Variants in UHRF1 observed in about 807,000 individuals in gnomAD.
UHRF1 encodes the protein E3 ubiquitin-protein ligase UHRF1.
Under a neutral mutation model 96.5 loss-of-function variants are expected in UHRF1, and 9 were observed. The ratio of observed to expected loss-of-function variants is 0.09; its 90% CI spans 0.06 to 0.16. The LOEUF is 0.16. Among genes scored for constraint, UHRF1 ranks in the 10% least tolerant of loss-of-function variants. The pLI, the probability that UHRF1 is intolerant of heterozygous loss-of-function variation, is 1.00. For missense variants in UHRF1, 626 were observed against 1,131.1 expected (o/e 0.55, Z 6.40); for synonymous variants, 455 against 469.9 (o/e 0.97, Z 0.41).
chr19:4,917,302 T>C (rs2032551643), intron 2 of UHRF1, among the ~76,000 whole-genome samples: 1 of 151,798 alleles, frequency 6.6e-6, no homozygotes, highest in African/African-American at 2.4e-5. Context: ...AGTTATCAAG[T>C]TGTATTTGTA....
chr19:4,929,320 G>C lies in UHRF1; in HGVS notation c.252G>C (p.Lys84Asn). 6.2e-7 allele frequency: 1 copy of C among 1,613,790 alleles called. No individual in the cohort carries two copies. Among genetic ancestry groups the C allele is most frequent in the Non-Finnish European group, 8.5e-7 (1 of 1,179,900 alleles). Residue 84 changes from lysine (K) to asparagine (N), a missense_variant, in exon 3 of 17, where the codon AAG becomes AAC. By Grantham distance (94) the Lys-to-Asn change is moderately conservative. Transcript: ENST00000650932. ...RQSLVLPHST[K>N]ERDSELSDTD... ...GCCTCGTGCTCCCCCACAGCACCAA[G>C]GAGCGGGACTCCGAGCTCTCCGACA...
chr19:4,913,405 C>G (rs2032362809), intron 2 of UHRF1, among the ~76,000 whole-genome samples: 1 of 151,988 alleles, frequency 6.6e-6, no homozygotes, highest in South Asian at 2.1e-4. Context: ...AGTCACCCAC[C>G]ACCACGCCTG....
At chr19:4,932,624 T>G in intron 4 of UHRF1, 117 bp from the exon 5 acceptor site, 1 of 1,077,338 alleles carries the variant, frequency 9.3e-7, no homozygotes, top group Non-Finnish European at 1.4e-6. Context: ...CATATAAGCC[T>G]GTTGGGAGGG....
At chr19:4,918,089 A>ACTTGTGTTCAAG (rs1290620546) in intron 2 of UHRF1, among the ~76,000 whole-genome samples, 3 of 151,788 alleles carry the variant, frequency 2.0e-5, no homozygotes, top group African/African-American at 7.3e-5. Flanking sequence ...GTGCTTGAAC[A>ACTTGTGTTCAAG]TGTGTGCGTT....
At chr19:4,960,507 G>C (rs1009729444) in intron 16 of UHRF1, 150 bp from the exon 17 acceptor site, 1 of 1,159,494 alleles carries the variant, frequency 8.6e-7, no homozygotes. Flanking sequence ...GGGGGGCCAG[G>C]CTGGTGATGG....
Position 4,945,826 on chromosome 19 carries a change from A to G in UHRF1, c.1306-35A>G, listed in dbSNP as rs757012273. Reference sequence around the variant, plus strand: ...GGAGCTTCTCTGCAGCAGTCATTGCAGAGGACACCATGTATATCTTGGTGG... The same window carrying G: ...GGAGCTTCTCTGCAGCAGTCATTGCGGAGGACACCATGTATATCTTGGTGG... On this transcript the variant is annotated intron_variant, in intron 9 of 16. Coordinates refer to ENST00000650932, the MANE Select transcript of UHRF1 (RefSeq NM_001048201.3). The G allele has an allele frequency of 5.1e-6, 8 of 1,555,656 alleles. No homozygotes were observed. The Admixed American group carries it at 1.3e-4, about 24-fold the overall frequency.
chr19:4,908,681 C>G (rs557549115), upstream of UHRF1, among the ~76,000 whole-genome samples: 2 of 152,226 alleles, frequency 1.3e-5, no homozygotes, highest in Non-Finnish European at 2.9e-5. Flanking sequence ...CCTCCCACCA[C>G]ATGGCTGCTG....
At chr19:4,926,498 T>C (rs1012111694) in intron 2 of UHRF1, among the ~76,000 whole-genome samples, 2 of 152,140 alleles carry the variant, frequency 1.3e-5, no homozygotes, top group Non-Finnish European at 2.9e-5. Flanking sequence ...CCCTTGTAGC[T>C]GTAGGTGGGT....
chr19:4,958,369 C>T (rs881416), intron 16 of UHRF1, among the ~76,000 whole-genome samples: 5,531 of 152,276 alleles, frequency 0.036, 264 homozygotes, highest in African/African-American at 0.11. Flanking sequence ...GTGAAGGTCC[C>T]GGCTTAGCCT....
At chr19:4,931,312 GAC>G (rs2033045351) in intron 4 of UHRF1, among the ~76,000 whole-genome samples, 15 of 152,190 alleles carry the variant, frequency 9.9e-5, no homozygotes, top group Non-Finnish European at 2.9e-5. Flanking sequence ...AGATTTCACA[GAC>G]GGTGTGGCTT....
intron 5 of UHRF1, among the ~76,000 whole-genome samples, chr19:4,939,941 G>A (rs558772225): frequency 4.6e-5 from 7 of 151,096 alleles, no homozygotes; most frequent in East Asian, 1.9e-4. Flanking sequence ...GGAGAGTGGC[G>A]TGAACCCGGG....
At chr19:4,906,817 C>T (rs1365682572), upstream of UHRF1, among the ~76,000 whole-genome samples, 1 of 152,134 alleles carries the variant, frequency 6.6e-6, no homozygotes, top group African/African-American at 2.4e-5. Context: ...TGAGTTTTCG[C>T]AACAGCGCTA....
chr19:4,905,116 T>A (rs958682318), upstream of UHRF1, among the ~76,000 whole-genome samples: 5 of 139,142 alleles, frequency 3.6e-5, no homozygotes, highest in Non-Finnish European at 7.8e-5. Flanking sequence ...TTCTTTTTTT[T>A]TTTTTTTTTT....
chr19:4,909,496 A>G, upstream of UHRF1: 2 of 655,524 alleles, frequency 3.1e-6, no homozygotes, highest in Non-Finnish European at 5.5e-6. Flanking sequence ...CGCGGGAAAA[A>G]AATCAGAGCA....
At chr19:4,928,732 C>T (rs984297607) in intron 2 of UHRF1, among the ~76,000 whole-genome samples, 5 of 152,114 alleles carry the variant, frequency 3.3e-5, no homozygotes, top group African/African-American at 1.2e-4. Context: ...TGCAGGGTGC[C>T]GAGCAGCGTT....
intron 1 of UHRF1, among the ~76,000 whole-genome samples, chr19:4,904,120 G>A (rs1263363334): frequency 6.6e-6 from 1 of 151,948 alleles, no homozygotes; most frequent in Non-Finnish European, 1.5e-5. Context: ...GGGATTACGG[G>A]CATGGGGGTT....
chr19:4,939,076 G>C (rs191715972), intron 5 of UHRF1, among the ~76,000 whole-genome samples: 1 of 146,310 alleles, frequency 6.8e-6, no homozygotes, highest in African/African-American at 2.5e-5. Flanking sequence ...ACTGCACCTG[G>C]CTCATTTTTT....
At chr19:4,927,531 C>T (rs1599259041) in intron 2 of UHRF1, among the ~76,000 whole-genome samples, 2 of 152,146 alleles carry the variant, frequency 1.3e-5, no homozygotes, top group African/African-American at 4.8e-5. Context: ...TTTGAACAGC[C>T]GTCAGGCCTT....
upstream of UHRF1, among the ~76,000 whole-genome samples, chr19:4,908,222 T>A (rs2032111304): frequency 6.6e-6 from 1 of 152,116 alleles, no homozygotes; most frequent in Non-Finnish European, 1.5e-5. Flanking sequence ...TATTCACAGA[T>A]CCTGGGGGCG....
Sources: allele counts gnomAD v4.1 joint callset (sites outside exome capture counted in the v4.1 genomes callset), GRCh38; gene constraint gnomAD v4.1.1; transcripts MANE v1.5; gene names NCBI Gene and HGNC (gene_info 2026-07-23, HGNC 2026-07-21).